The following CDKN2B-AS1 variants were observed in gnomAD, a reference collection of about 807,000 sequenced individuals.
CDKN2B-AS1 encodes the protein CDKN2B and CDKN2A antisense cis and trans regulatory RNA 1, also known as CDKN2B antisense RNA 1 (non-protein coding).
rs150690757 is a variant in CDKN2B-AS1, at chr9:22,059,624, C to T, written n.438+3237C>T. ...CACTCTGGGGTCTGAAGGACGATGG[C>T]CCTCTTCTCACAGCTCCACTAGGCA... On this transcript the variant is annotated intron_variant and non_coding_transcript_variant, in intron 4 of 4. Transcript: ENST00000650946. Among the ~76,000 whole-genome samples, 1,241 of 152,288 alleles carry T rather than the reference C, an allele frequency of 8.1e-3. 83 individuals are homozygous for T. In the East Asian group the frequency reaches 0.17, roughly 21 times the overall value.
intron 3 of CDKN2B-AS1, among the ~76,000 whole-genome samples, chr9:22,055,682 G>A: frequency 6.6e-6 from 1 of 152,166 alleles, no homozygotes; most frequent in East Asian, 1.9e-4. Context: ...TTGGGCTTGG[G>A]TGCAGATGAT....
chr9:22,042,305 A>G (rs1487235635), intron 1 of CDKN2B-AS1, among the ~76,000 whole-genome samples: 1 of 152,102 alleles, frequency 6.6e-6, no homozygotes, highest in African/African-American at 2.4e-5. Context: ...GGACACTAGA[A>G]ATATAATAGT....
intron 1 of CDKN2B-AS1, among the ~76,000 whole-genome samples, chr9:22,032,379 C>T (rs187686263): frequency 5.9e-5 from 9 of 151,968 alleles, no homozygotes; most frequent in East Asian, 1.9e-4. Context: ...CTACTTTTTC[C>T]GTACTTTAAA....
In CDKN2B-AS1 at chr9:22,079,506, TA is replaced by T. The variant is rs74958544; in HGVS notation, n.438+23135del. ...GAGTGTGACAGAGCAAAACACCATC[TA>T]AAAAAAAAAAAAAAAGGGAAAGAAA... On this transcript the variant is annotated intron_variant and non_coding_transcript_variant, in intron 4 of 4. Transcript: ENST00000650946. Among the ~76,000 whole-genome samples the T allele has an allele frequency of 8.6e-3, 844 of 98,710 alleles. 4 individuals are homozygous for T. The highest frequency in any genetic ancestry group is 0.043 in the Middle Eastern group (7 of 164). 64.8% of individuals were successfully genotyped at this position (98,710 alleles called of 152,430 possible). A position where few individuals can be genotyped will look rare whatever the true frequency, so the allele number is the denominator to read the frequency against.
chr9:22,072,448 T>A (rs368577646), intron 4 of CDKN2B-AS1, among the ~76,000 whole-genome samples: 1 of 152,228 alleles, frequency 6.6e-6, no homozygotes, highest in Admixed American at 6.5e-5. Context: ...ACACTAGTTA[T>A]GCAGTTTACT....
chr9:22,045,859 T>C (rs1008037450), intron 1 of CDKN2B-AS1, among the ~76,000 whole-genome samples: 1 of 152,142 alleles, frequency 6.6e-6, no homozygotes, highest in African/African-American at 2.4e-5. Context: ...AAAATGCTCA[T>C]AAATCAGAAG....
intron 1 of CDKN2B-AS1, chr9:22,004,840 CCT>C (rs1480785986): frequency 4.3e-6 from 1 of 232,920 alleles, no homozygotes; most frequent in African/African-American, 2.2e-5. Flanking sequence ...ACCTCTGCAC[CCT>C]GAGACACTCT....
intron 1 of CDKN2B-AS1, among the ~76,000 whole-genome samples, chr9:22,019,837 T>C (rs557180376): frequency 2.0e-5 from 3 of 152,266 alleles, no homozygotes; most frequent in African/African-American, 7.2e-5. Flanking sequence ...TAAAGAATAA[T>C]ATTTAATCCT....
chr9:22,126,967 C>T (rs1818031523), intron 4 of CDKN2B-AS1, among the ~76,000 whole-genome samples: 1 of 152,192 alleles, frequency 6.6e-6, no homozygotes, highest in Non-Finnish European at 1.5e-5. Flanking sequence ...TGACATTATG[C>T]ATCAAATCTT....
At chr9:22,071,716 G>A (rs1235910687) in intron 4 of CDKN2B-AS1, among the ~76,000 whole-genome samples, 1 of 152,100 alleles carries the variant, frequency 6.6e-6, no homozygotes, top group South Asian at 2.1e-4. Context: ...ATACTGCTAT[G>A]TATCCTGAGA....
intron 4 of CDKN2B-AS1, among the ~76,000 whole-genome samples, chr9:22,059,418 C>T (rs1466924963): frequency 3.9e-5 from 6 of 152,204 alleles, no homozygotes; most frequent in Non-Finnish European, 1.5e-5. Flanking sequence ...AAAATGATCT[C>T]CTGTGACTCC....
intron 1 of CDKN2B-AS1, among the ~76,000 whole-genome samples, chr9:22,016,705 C>T (rs988848040): frequency 6.6e-6 from 1 of 152,128 alleles, no homozygotes; most frequent in Non-Finnish European, 1.5e-5. Flanking sequence ...GGAAAGGATT[C>T]CCTATTGAAT....
intron 1 of CDKN2B-AS1, among the ~76,000 whole-genome samples, chr9:22,008,354 C>G (rs1821297105): frequency 6.6e-6 from 1 of 152,164 alleles, no homozygotes; most frequent in Non-Finnish European, 1.5e-5. Flanking sequence ...AACAATACAA[C>G]AGATTTCATA....
intron 4 of CDKN2B-AS1, among the ~76,000 whole-genome samples, chr9:22,085,589 C>T (rs928351433): frequency 3.3e-5 from 5 of 151,926 alleles, no homozygotes; most frequent in African/African-American, 1.2e-4. Flanking sequence ...GGTGTGGTGG[C>T]GGGCCCCTGT....
At chr9:22,095,162 T>G (rs1338406507) in intron 4 of CDKN2B-AS1, among the ~76,000 whole-genome samples, 1 of 144,738 alleles carries the variant, frequency 6.9e-6, no homozygotes, top group Admixed American at 6.7e-5. Context: ...TGCCTGATTG[T>G]TCCTCTGGAA....
rs1259975345 is a variant in CDKN2B-AS1 at position 22,094,242 on chromosome 9, C to T, written n.439-32861C>T. ...GTAACCCGACCTTTCTCTCTGGCTG[C>T]CCTTAACATTTTTTCCTTCATTTCA... On this transcript the variant is annotated intron_variant and non_coding_transcript_variant, in intron 4 of 4. Transcript: ENST00000650946. Among the ~76,000 whole-genome samples, 4 of 143,560 alleles carry T rather than the reference C, an allele frequency of 2.8e-5. 2 individuals are homozygous for T. The highest frequency in any genetic ancestry group is 1.2e-4 in the African/African-American group (4 of 33,940). The allele number at this position is 143,560 out of a possible 152,430, so 94.2% of individuals were successfully genotyped here. A position where few individuals can be genotyped will look rare whatever the true frequency, so the allele number is the denominator to read the frequency against.
chr9:22,014,830 A>G (rs1482620312), intron 1 of CDKN2B-AS1, among the ~76,000 whole-genome samples: 1 of 140,140 alleles, frequency 7.1e-6, no homozygotes, highest in African/African-American at 2.6e-5. Flanking sequence ...TCATTGTTCA[A>G]TTCCCATCTA....
At chr9:22,057,646 C>T (rs1479019539) in intron 4 of CDKN2B-AS1, among the ~76,000 whole-genome samples, 1 of 151,866 alleles carries the variant, frequency 6.6e-6, no homozygotes, top group Non-Finnish European at 1.5e-5. Context: ...CCCATCTCTA[C>T]AAAATACAAA....
At chr9:22,116,040 A>G (rs1357249496) in intron 4 of CDKN2B-AS1, among the ~76,000 whole-genome samples, 1 of 152,210 alleles carries the variant, frequency 6.6e-6, no homozygotes, top group East Asian at 1.9e-4. Context: ...CCAATAAATT[A>G]GAGTGTATGC....
Sources: allele counts gnomAD v4.1 joint callset (sites outside exome capture counted in the v4.1 genomes callset), GRCh38; gene constraint gnomAD v4.1.1; transcripts MANE v1.5; gene names NCBI Gene and HGNC (gene_info 2026-07-23, HGNC 2026-07-21).